The following ZNF69 variants were observed in gnomAD, a reference collection of about 807,000 sequenced individuals.
The protein encoded by ZNF69 is ZNF3.
In ZNF69, 47 loss-of-function variants were observed where a neutral mutation model predicts 50.9. That is an observed-to-expected ratio of 0.92 (90% CI 0.73 to 1.18). The LOEUF is 1.18. Ranked by LOEUF, ZNF69 falls within the 50% of genes most tolerant of loss-of-function variation. The pLI, the probability that ZNF69 is intolerant of heterozygous loss-of-function variation, is 0.00. For synonymous variants in ZNF69, 216 were observed against 223.1 expected (o/e 0.97, Z 0.29); for missense variants, 717 against 675.1 (o/e 1.06, Z -0.69).
chr19:11,920,969 C>G, the ZNF69 span, among the ~76,000 whole-genome samples: 1 of 152,108 alleles, frequency 6.6e-6, no homozygotes, highest in African/African-American at 2.4e-5. Flanking sequence ...TCCCAAGTTA[C>G]AGCTCTACCC....
chr19:11,889,352 A>G (rs1977025894), intron 1 of ZNF69, among the ~76,000 whole-genome samples: 1 of 152,222 alleles, frequency 6.6e-6, no homozygotes, highest in Non-Finnish European at 1.5e-5. Context: ...GGGAGAGGGT[A>G]TAAGGAGGCC....
At position 11,905,229 on chromosome 19, in the gene ZNF69, T is replaced by A; in HGVS notation, c.832T>A (p.Cys278Ser). ...RTHTGEKPYE[C>S]QQCGKAFHSP... ...TCACACTGGAGAAAAGCCTTATGAA[T>A]GTCAGCAATGTGGGAAAGCATTTCA... Residue 278 changes from cysteine (C) to serine (S), a missense_variant, in exon 4 of 4, where the codon TGT (cysteine) becomes AGT (serine). Transcript: ENST00000429654. The A allele has an allele frequency of 6.2e-7, 1 of 1,614,180 alleles. No individual in the cohort carries two copies. The highest frequency in any genetic ancestry group is 8.5e-7 in the Non-Finnish European group (1 of 1,180,040).
At chr19:11,957,467 G>C in the ZNF69 span, among the ~76,000 whole-genome samples, 3 of 152,068 alleles carry the variant, frequency 2.0e-5, no homozygotes, top group East Asian at 5.8e-4. Flanking sequence ...AAAGAGTCTA[G>C]GTACTGAACT....
chr19:11,978,603 C>A, the ZNF69 span: 1 of 1,614,152 alleles, frequency 6.2e-7, no homozygotes, highest in Non-Finnish European at 8.5e-7. Flanking sequence ...TGGAGAGAAA[C>A]CGTATGAATG....
chr19:11,953,445 A>C, the ZNF69 span: 3 of 152,216 alleles, frequency 2.0e-5, no homozygotes, highest in African/African-American at 7.2e-5. Flanking sequence ...GAAGGCAGTG[A>C]TGTTGGTTCC....
the ZNF69 span, among the ~76,000 whole-genome samples, chr19:11,969,370 G>A: frequency 1.3e-5 from 2 of 152,212 alleles, no homozygotes; most frequent in Non-Finnish European, 2.9e-5. Flanking sequence ...CTCCCAAAGT[G>A]GTGGGATTAC....
the ZNF69 span, among the ~76,000 whole-genome samples, chr19:11,922,363 T>A: frequency 6.6e-6 from 1 of 152,216 alleles, no homozygotes; most frequent in African/African-American, 2.4e-5. Flanking sequence ...AACCCCACTT[T>A]GTCTTCGTTC....
At position 11,905,504 on chromosome 19, in the gene ZNF69, T is replaced by G. The variant is rs755660070; in HGVS notation, c.1107T>G (p.Phe369Leu). Residue 369 changes from phenylalanine (F) to leucine (L), a missense_variant, in exon 4 of 4, where the codon TTT (phenylalanine) becomes TTG (leucine). Physicochemically the swap from Phe to Leu is conservative, Grantham distance 22. Coordinates refer to ENST00000429654, the MANE Select transcript of ZNF69 (RefSeq NM_001364730.1). ...AATGTAAGATATGTGGGAAAGGCTT[T>G]TGTTCTGCCAATTCATTTCAAAGAC... ...PYECKICGKG[F>L]CSANSFQRHE... 10 of 1,613,934 alleles carry G rather than the reference T, an allele frequency of 6.2e-6. No individual in the cohort carries two copies. Among genetic ancestry groups the G allele is most frequent in the African/African-American group, 1.3e-5 (1 of 74,884 alleles).
chr19:11,931,649 CTG>C, the ZNF69 span, among the ~76,000 whole-genome samples: 1 of 148,242 alleles, frequency 6.7e-6, no homozygotes, highest in South Asian at 2.1e-4. Flanking sequence ...TAAAATATAA[CTG>C]TAGGCATATT....
the ZNF69 span, chr19:11,965,275 G>C: frequency 6.2e-7 from 1 of 1,609,476 alleles, no homozygotes; most frequent in Non-Finnish European, 8.5e-7. Flanking sequence ...GCCGGAACCG[G>C]CTGCGGCGGG....
the ZNF69 span, among the ~76,000 whole-genome samples, chr19:11,958,616 A>G: frequency 1.3e-5 from 2 of 152,186 alleles, no homozygotes; most frequent in Admixed American, 6.5e-5. Context: ...GGGTGTTAGT[A>G]GAAGTCCCAG....
chr19:11,903,836 C>A, intron 2 of ZNF69, 69 bp from the exon 3 acceptor site: 4 of 1,606,268 alleles, frequency 2.5e-6, no homozygotes, highest in Middle Eastern at 1.7e-4. Flanking sequence ...AAATCATGGG[C>A]ATAGAATCTA....
the ZNF69 span, chr19:11,965,303 G>A: frequency 1.3e-5 from 20 of 1,564,630 alleles, no homozygotes; most frequent in African/African-American, 1.2e-4. Flanking sequence ...CCTCCCTGCG[G>A]GCGACTCCAG....
the ZNF69 span, among the ~76,000 whole-genome samples, chr19:11,923,350 T>C: frequency 6.6e-6 from 1 of 152,230 alleles, no homozygotes; most frequent in Non-Finnish European, 1.5e-5. Context: ...AGTTTTCACG[T>C]CCCGATTGGG....
the ZNF69 span, among the ~76,000 whole-genome samples, chr19:11,974,089 CTT>C: frequency 1.2e-5 from 1 of 86,594 alleles, no homozygotes; most frequent in African/African-American, 5.3e-5. Flanking sequence ...TTCTTTCTTT[CTT>C]TCTTTCTTTC....
At chr19:11,967,481 T>C in the ZNF69 span, among the ~76,000 whole-genome samples, 1 of 152,000 alleles carries the variant, frequency 6.6e-6, no homozygotes, top group African/African-American at 2.4e-5. Context: ...CTCGGCTCAC[T>C]GCAAGCTCCA....
At chr19:11,954,712 C>T in the ZNF69 span, among the ~76,000 whole-genome samples, 1 of 151,952 alleles carries the variant, frequency 6.6e-6, no homozygotes, top group Admixed American at 6.6e-5. Flanking sequence ...CATACCATAT[C>T]CAGGAGGCTG....
At chr19:11,920,290 G>C in the ZNF69 span, among the ~76,000 whole-genome samples, 2 of 151,876 alleles carry the variant, frequency 1.3e-5, no homozygotes, top group Admixed American at 6.6e-5. Flanking sequence ...TTTTGTATTG[G>C]TAGTTAGAGA....
chr19:11,911,903 A>G (rs1028278605), intron 4 of ZNF69, among the ~76,000 whole-genome samples: 11 of 152,182 alleles, frequency 7.2e-5, no homozygotes, highest in Non-Finnish European at 1.2e-4. Context: ...CTGCCAAGTC[A>G]TTTCAAATAC....
Sources: gnomAD v4.1 joint callset for allele counts (sites outside exome capture counted in the v4.1 genomes callset) on GRCh38, gnomAD v4.1.1 for gene constraint, MANE v1.5 for transcripts, NCBI Gene and HGNC (gene_info 2026-07-23, HGNC 2026-07-21) for gene names.